CDC73: variants seen among roughly 807,000 people sequenced by gnomAD.
The protein encoded by CDC73 is parafibromin.
In CDC73, 21 loss-of-function variants were observed where a neutral mutation model predicts 83.7. That is an observed-to-expected ratio of 0.25 (90% CI 0.18 to 0.36). The LOEUF (loss-of-function observed/expected upper bound fraction) is 0.36, where lower values mean the gene tolerates loss of function less well. CDC73 is among the 10% of genes least tolerant of loss of function. The pLI is 1.00. For synonymous variants in CDC73, 224 were observed against 212.9 expected (o/e 1.05, Z -0.45); for missense variants, 342 against 653.3 (o/e 0.52, Z 5.19).
At chr1:193,224,132 C>A (rs541258118) in intron 13 of CDC73, among the ~76,000 whole-genome samples, 1 of 152,088 alleles carries the variant, frequency 6.6e-6, no homozygotes, top group South Asian at 2.1e-4. Flanking sequence ...CATTAATCAA[C>A]TTCTATCTCC....
At chr1:193,169,620 A>G (rs1243468276) in intron 10 of CDC73, among the ~76,000 whole-genome samples, 3 of 152,208 alleles carry the variant, frequency 2.0e-5, no homozygotes, top group African/African-American at 7.2e-5. Context: ...TGTAGATAAA[A>G]TTACTTTCCT....
At chr1:193,248,004 C>A (rs1677981992) in intron 15 of CDC73, among the ~76,000 whole-genome samples, 1 of 152,150 alleles carries the variant, frequency 6.6e-6, no homozygotes, top group African/African-American at 2.4e-5. Flanking sequence ...CTAAACAACA[C>A]ATTTTCATCG....
chr1:193,217,206 C>T (rs1026650179), intron 13 of CDC73, among the ~76,000 whole-genome samples: 5 of 152,192 alleles, frequency 3.3e-5, no homozygotes, highest in South Asian at 2.1e-4. Context: ...TCAGACTCCA[C>T]GGCATTGTCT....
At chr1:193,146,516 A>G (rs1676003579) in intron 7 of CDC73, among the ~76,000 whole-genome samples, 1 of 152,180 alleles carries the variant, frequency 6.6e-6, no homozygotes, top group Non-Finnish European at 1.5e-5. Flanking sequence ...CAAGCAAGCA[A>G]GCAAATGAGA....
intron 1 of CDC73, chr1:193,122,573 GT>G (rs1422336514): frequency 2.0e-6 from 1 of 494,514 alleles, no homozygotes; most frequent in African/African-American, 1.9e-5. Flanking sequence ...TACCGTGGGA[GT>G]TTCTGACTTT....
At chr1:193,127,755 A>T (rs916755997) in intron 2 of CDC73, 1 of 151,562 alleles carries the variant, frequency 6.6e-6, no homozygotes, top group African/African-American at 2.4e-5. Flanking sequence ...AAATTCTATG[A>T]ATTCGAGATT....
intron 2 of CDC73, among the ~76,000 whole-genome samples, chr1:193,126,187 T>C (rs574951089): frequency 6.6e-6 from 1 of 152,360 alleles, no homozygotes; most frequent in East Asian, 1.9e-4. Flanking sequence ...TTCAGAACTC[T>C]AGTTTAATCT....
intron 11 of CDC73, among the ~76,000 whole-genome samples, chr1:193,209,527 T>C (rs558981340): frequency 6.6e-6 from 1 of 152,300 alleles, no homozygotes; most frequent in Non-Finnish European, 1.5e-5. Flanking sequence ...ACCTTTGCTG[T>C]TGATCACTCT....
At chr1:193,211,929 T>C in intron 11 of CDC73, 136 bp from the exon 12 acceptor site, 1 of 674,394 alleles carries the variant, frequency 1.5e-6, no homozygotes, top group Non-Finnish European at 2.6e-6. Flanking sequence ...AGAAGATAGT[T>C]GTAAAAAAAG....
intron 2 of CDC73, chr1:193,127,789 T>C (rs1054416515): frequency 6.6e-6 from 1 of 152,132 alleles, no homozygotes; most frequent in African/African-American, 2.4e-5. Flanking sequence ...TACTTTGTGT[T>C]ATTTGCTCTT....
At chr1:193,250,129 A>G (rs1190867304) in intron 16 of CDC73, among the ~76,000 whole-genome samples, 4 of 151,892 alleles carry the variant, frequency 2.6e-5, no homozygotes, top group African/African-American at 4.8e-5. Context: ...ATCTGTCTCT[A>G]ATTATCTGTG....
At chr1:193,180,333 T>G (rs778047557) in intron 10 of CDC73, 2 of 1,592,438 alleles carry the variant, frequency 1.3e-6, no homozygotes, top group African/African-American at 1.4e-5. Flanking sequence ...CTGCCTTTTC[T>G]TTTGCTGCGT....
chr1:193,173,270 C>T (rs941321526), intron 10 of CDC73, among the ~76,000 whole-genome samples: 2 of 152,122 alleles, frequency 1.3e-5, no homozygotes, highest in Non-Finnish European at 2.9e-5. Context: ...ACATTTCTAA[C>T]GTAAATATAA....
chr1:193,132,925 G>GA (rs1675721688), intron 3 of CDC73, among the ~76,000 whole-genome samples: 1 of 142,432 alleles, frequency 7.0e-6, no homozygotes, highest in Non-Finnish European at 1.5e-5. Flanking sequence ...TTTTGAGAAG[G>GA]AATCTTGCTC....
intron 14 of CDC73, among the ~76,000 whole-genome samples, chr1:193,234,997 G>T (rs1677732718): frequency 6.6e-6 from 1 of 151,922 alleles, no homozygotes; most frequent in South Asian, 2.1e-4. Flanking sequence ...ATAGTTGTAG[G>T]TCTTTGCTTG....
intron 10 of CDC73, among the ~76,000 whole-genome samples, chr1:193,171,178 G>A (rs571932170): frequency 6.6e-6 from 1 of 152,210 alleles, no homozygotes; most frequent in Non-Finnish European, 1.5e-5. Context: ...GTATCAATCT[G>A]TCTAGGTCCC....
chr1:193,233,299 A>G, intron 14 of CDC73, 145 bp downstream of exon 14: 2 of 740,352 alleles, frequency 2.7e-6, no homozygotes, highest in Non-Finnish European at 4.8e-6. Context: ...GGGCTCTGTC[A>G]GTCCTCCTGC....
At chr1:193,173,544 G>C (rs1276915117) in intron 10 of CDC73, among the ~76,000 whole-genome samples, 1 of 152,040 alleles carries the variant, frequency 6.6e-6, no homozygotes, top group South Asian at 2.1e-4. Context: ...TTACAGTTTC[G>C]ATTTCCTGAA....
At chr1:193,199,412 A>C (rs1677052688) in intron 10 of CDC73, among the ~76,000 whole-genome samples, 1 of 152,146 alleles carries the variant, frequency 6.6e-6, no homozygotes, top group African/African-American at 2.4e-5. Flanking sequence ...AGACTCATTC[A>C]ATGTGTTTAG....
Sources: allele counts gnomAD v4.1 joint callset (sites outside exome capture counted in the v4.1 genomes callset), GRCh38; gene constraint gnomAD v4.1.1; transcripts MANE v1.5; gene names NCBI Gene and HGNC (gene_info 2026-07-23, HGNC 2026-07-21).